The following ZPBP variants were observed in gnomAD, a reference collection of about 807,000 sequenced individuals.
ZPBP encodes the protein zona pellucida binding protein.
A neutral mutation model predicts 44.8 loss-of-function variants in ZPBP; 26 were observed. That is an observed-to-expected ratio of 0.58 (90% confidence interval 0.43 to 0.81). ZPBP has a LOEUF of 0.81. Among genes scored for constraint, ZPBP ranks in the 30% least tolerant of loss-of-function variants. ZPBP has a pLI of 0.00. For synonymous variants in ZPBP, 174 were observed against 153.2 expected, an observed-to-expected ratio of 1.14 and a Z score of -1.00; for missense variants, 409 against 434.0, an observed-to-expected ratio of 0.94 and a Z score of 0.51.
At chr7:50,004,028 G>T (rs1220180777) in intron 6 of ZPBP, among the ~76,000 whole-genome samples, 2 of 152,128 alleles carry the variant, frequency 1.3e-5, no homozygotes, top group African/African-American at 2.4e-5. Context: ...GAGCATGTCT[G>T]CATTGAGGGA....
intron 3 of ZPBP, among the ~76,000 whole-genome samples, chr7:50,070,141 T>A (rs1342617623): frequency 1.3e-5 from 2 of 152,110 alleles, no homozygotes; most frequent in Non-Finnish European, 2.9e-5. Context: ...GTGTCTCTCA[T>A]CCTGGGTAGG....
At chr7:49,991,941 T>G in intron 6 of ZPBP, among the ~76,000 whole-genome samples, 1 of 150,672 alleles carries the variant, frequency 6.6e-6, no homozygotes, top group East Asian at 2.0e-4. Context: ...AAAAGAAAAG[T>G]AAGAATGTAG....
At chr7:49,981,585 T>C (rs1322972439) in intron 7 of ZPBP, among the ~76,000 whole-genome samples, 4 of 61,710 alleles carry the variant, frequency 6.5e-5, no homozygotes, top group African/African-American at 1.8e-4. Context: ...ATAAATTATA[T>C]ATTATATAAT....
intron 7 of ZPBP, among the ~76,000 whole-genome samples, chr7:49,969,665 A>G (rs1056315806): frequency 6.6e-6 from 1 of 152,032 alleles, no homozygotes; most frequent in African/African-American, 2.4e-5. Flanking sequence ...CCAATCTCTC[A>G]TAAACACAGA....
chr7:49,912,041 C>T, intron 1 of ZPBP: 11 of 1,613,228 alleles, frequency 6.8e-6, no homozygotes, highest in Non-Finnish European at 8.5e-6. Context: ...CAGGTCCAAA[C>T]TGCTTTGCAG....
intron 7 of ZPBP, chr7:49,944,364 C>T (rs1300766974): frequency 4.8e-6 from 1 of 207,408 alleles, no homozygotes; most frequent in Non-Finnish European, 9.7e-6. Context: ...CCTCCTGCTT[C>T]CTGCTCTCAG....
At chr7:49,913,684 T>C (rs1793576346) in intron 1 of ZPBP, 1 of 152,172 alleles carries the variant, frequency 6.6e-6, no homozygotes, top group South Asian at 2.1e-4. Flanking sequence ...AATCATAATG[T>C]ATTGTATTAG....
intron 2 of ZPBP, among the ~76,000 whole-genome samples, chr7:49,868,799 T>G (rs564550583): frequency 4.6e-5 from 7 of 152,204 alleles, no homozygotes; most frequent in Non-Finnish European, 7.4e-5. Flanking sequence ...TTTGTATTTT[T>G]GTAGAGACAA....
At chr7:50,067,672 A>G (rs6956098) in intron 3 of ZPBP, among the ~76,000 whole-genome samples, 127,414 of 152,148 alleles carry the variant, frequency 0.84, 53,391 homozygotes, top group East Asian at 0.93. Context: ...CAGCAATGAA[A>G]AGGGCCTCCT....
At chr7:49,935,042 A>G (rs1562784723), downstream of ZPBP, among the ~76,000 whole-genome samples, 4 of 152,178 alleles carry the variant, frequency 2.6e-5, no homozygotes, top group Admixed American at 2.0e-4. Context: ...GGATTCATGT[A>G]TGATTTTTAT....
At chr7:50,067,189 C>T (rs141170985) in intron 3 of ZPBP, among the ~76,000 whole-genome samples, 19 of 152,182 alleles carry the variant, frequency 1.2e-4, no homozygotes, top group African/African-American at 4.1e-4. Context: ...TTTGCCTTTA[C>T]GTTTGCCTTT....
chr7:49,846,788 C>T (rs948558643), downstream of ZPBP, among the ~76,000 whole-genome samples: 2 of 152,176 alleles, frequency 1.3e-5, no homozygotes, highest in African/African-American at 4.8e-5. Context: ...CATACATTTT[C>T]CCTCCTTTAT....
chr7:50,040,835 G>A (rs180753987), intron 4 of ZPBP, among the ~76,000 whole-genome samples: 1 of 152,046 alleles, frequency 6.6e-6, no homozygotes, highest in Admixed American at 6.6e-5. Context: ...AAAGGGGGCT[G>A]AAACCAGGGA....
intron 6 of ZPBP, among the ~76,000 whole-genome samples, chr7:50,014,027 T>C (rs1032023847): frequency 1.3e-5 from 2 of 152,148 alleles, no homozygotes; most frequent in African/African-American, 4.8e-5. Context: ...CCTGTCTATA[T>C]GTTGATTCTC....
intron 2 of ZPBP, among the ~76,000 whole-genome samples, chr7:49,890,386 C>T (rs1792076656): frequency 6.6e-6 from 1 of 152,160 alleles, no homozygotes; most frequent in South Asian, 2.1e-4. Context: ...GGATTTACAA[C>T]AGTCAGTATG....
At chr7:49,970,977 G>A (rs1199722613) in intron 7 of ZPBP, among the ~76,000 whole-genome samples, 2 of 152,170 alleles carry the variant, frequency 1.3e-5, no homozygotes, top group East Asian at 1.9e-4. Context: ...CCAGGGGGTT[G>A]AGGATTCAGT....
chr7:49,845,854 C>T (rs561779823), downstream of ZPBP, among the ~76,000 whole-genome samples: 5 of 152,244 alleles, frequency 3.3e-5, no homozygotes, highest in East Asian at 1.9e-4. Context: ...GAAGGAAGAG[C>T]GAGTGAGTTA....
intron 2 of ZPBP, among the ~76,000 whole-genome samples, chr7:49,859,745 T>C (rs1790570440): frequency 6.6e-6 from 1 of 151,954 alleles, no homozygotes; most frequent in African/African-American, 2.4e-5. Context: ...CTCCATCTAT[T>C]TCTCCCTACA....
chr7:49,872,685 C>T (rs958057904), intron 2 of ZPBP, among the ~76,000 whole-genome samples: 1 of 149,732 alleles, frequency 6.7e-6, no homozygotes, highest in African/African-American at 2.5e-5. Context: ...GTGGGCGGAT[C>T]ACCTGAGGTC....
Sources: allele counts gnomAD v4.1 joint callset (sites outside exome capture counted in the v4.1 genomes callset), GRCh38; gene constraint gnomAD v4.1.1; transcripts MANE v1.5; gene names NCBI Gene and HGNC (gene_info 2026-07-23, HGNC 2026-07-21).